KIF18A: variants seen among roughly 807,000 people sequenced by gnomAD.
KIF18A encodes the protein kinesin-like protein KIF18A.
In KIF18A, 67 loss-of-function variants were observed where a neutral mutation model predicts 103.3. The observed-to-expected ratio is 0.65, with a 90% confidence interval of 0.53 to 0.79. KIF18A has a LOEUF of 0.79. KIF18A is among the 30% of genes least tolerant of loss of function. KIF18A has a pLI of 0.00. For synonymous variants in KIF18A, 367 were observed against 355.5 expected, an observed-to-expected ratio of 1.03 and a Z score of -0.36; for missense variants, 1,032 against 1,062.5, an observed-to-expected ratio of 0.97 and a Z score of 0.40.
At chr11:28,065,229 C>T (rs1482624941) in intron 11 of KIF18A, among the ~76,000 whole-genome samples, 2 of 151,928 alleles carry the variant, frequency 1.3e-5, no homozygotes, top group Non-Finnish European at 2.9e-5. Context: ...AGTTGTGTGA[C>T]CTTGGATAAG....
chr11:28,060,678 A>C (rs536966305), intron 12 of KIF18A, among the ~76,000 whole-genome samples: 13 of 151,974 alleles, frequency 8.6e-5, no homozygotes, highest in African/African-American at 2.9e-4. Context: ...GAGGGTTCCC[A>C]GCATTTCCAG....
chr11:28,078,134 C>G (rs1851119537), intron 9 of KIF18A, among the ~76,000 whole-genome samples: 1 of 152,070 alleles, frequency 6.6e-6, no homozygotes, highest in African/African-American at 2.4e-5. Context: ...ATGTTCTAAA[C>G]TGGCCAGAAT....
chr11:28,056,349 T>C (rs1205843735), intron 13 of KIF18A, among the ~76,000 whole-genome samples: 7 of 151,962 alleles, frequency 4.6e-5, no homozygotes, highest in African/African-American at 1.7e-4. Context: ...TTTATGGATT[T>C]AAGGATCATT....
intron 1 of KIF18A, among the ~76,000 whole-genome samples, chr11:28,103,880 T>G (rs1176702546): frequency 6.6e-6 from 1 of 152,036 alleles, no homozygotes; most frequent in African/African-American, 2.4e-5. Context: ...GTTTAGAAAA[T>G]TAAAGAAATG....
At chr11:28,090,028 A>G (rs1459407212) in intron 5 of KIF18A, among the ~76,000 whole-genome samples, 2 of 152,214 alleles carry the variant, frequency 1.3e-5, no homozygotes, top group Non-Finnish European at 2.9e-5. Flanking sequence ...TCTTTCAACT[A>G]TAACAATTTC....
Position 28,035,459 on chromosome 11 carries a change from A to G in KIF18A, c.2432T>C (p.Met811Thr). The G allele has an allele frequency of 1.2e-6, 2 of 1,601,714 alleles. No homozygotes were observed. Among genetic ancestry groups the G allele is most frequent in the Non-Finnish European group, 1.7e-6 (2 of 1,173,104 alleles). ...DPSSFSTKHS[M>T]PVPSMVPSYM... The stretch of plus-strand genomic sequence containing the variant: ...GGATGGCACCATGCTTGGTACAGGC[A>G]TAGAATGCTTAGTTGAGAATGAAGA... Residue 811 changes from methionine (M) to threonine (T), a missense_variant, in exon 15 of 17, where the codon ATG becomes ACG. By Grantham distance (81) the Met-to-Thr change is moderately conservative. Coordinates refer to ENST00000263181, the MANE Select transcript of KIF18A (RefSeq NM_031217.4).
intron 13 of KIF18A, among the ~76,000 whole-genome samples, chr11:28,042,501 C>G (rs1850573461): frequency 6.6e-6 from 1 of 151,858 alleles, no homozygotes; most frequent in East Asian, 1.9e-4. Flanking sequence ...TAAAAAGGAG[C>G]CAATGCATTT....
rs1850825701 is a variant in KIF18A, at chr11:28,059,142, G to GA, written c.1731dup (p.Pro578SerfsTer21). On this transcript the variant is annotated frameshift_variant, in exon 13 of 17. Transcript: ENST00000263181. LOFTEE classifies it high-confidence loss of function. ...GTGCAATATTGTTTTCTTAGGGTTG[G>GA]AAGTAAAGCATTCAATACTCTATAT... The GA allele has an allele frequency of 6.2e-7, 1 of 1,612,876 alleles. No homozygotes were observed. Among genetic ancestry groups the GA allele is most frequent in the Non-Finnish European group, 8.5e-7 (1 of 1,179,056 alleles).
intron 16 of KIF18A, among the ~76,000 whole-genome samples, chr11:28,023,121 G>T (rs1401287405): frequency 6.6e-6 from 1 of 152,116 alleles, no homozygotes; most frequent in African/African-American, 2.4e-5. Context: ...AGATGTTGGG[G>T]CCTGAAAACT....
rs1401967572 is a variant in KIF18A, at chr11:28,069,396, C to T, written c.1453G>A (p.Ala485Thr). The change falls in exon 11 of 17, where the codon GCA becomes ACA. Residue 485 changes from alanine (A) to threonine (T), a missense_variant. Coordinates refer to ENST00000263181, the MANE Select transcript of KIF18A (RefSeq NM_031217.4). ...KATGKRDHRL[A>T]MLKTRRSYLE... ...TAGGAGCGACGAGTTTTCAACATTG[C>T]AAGTCTATGATCTCGTTTTCCAGTG... 1 of 1,613,472 alleles carries T rather than the reference C, an allele frequency of 6.2e-7. No individual in the cohort carries two copies. Among genetic ancestry groups the T allele is most frequent in the South Asian group, 1.1e-5 (1 of 91,022 alleles).
intron 6 of KIF18A, among the ~76,000 whole-genome samples, 165 bp downstream of exon 6, chr11:28,088,358 TA>T (rs1411408801): frequency 6.6e-6 from 1 of 152,168 alleles, no homozygotes; most frequent in Non-Finnish European, 1.5e-5. Context: ...AAAATCAGTT[TA>T]ATACACTAGG....
intron 1 of KIF18A, among the ~76,000 whole-genome samples, chr11:28,103,432 C>T (rs1360052452): frequency 6.6e-6 from 1 of 151,348 alleles, no homozygotes; most frequent in Non-Finnish European, 1.5e-5. Context: ...AGTAGGGTAT[C>T]AAAAAAGAAG....
intron 4 of KIF18A, 40 bp from the exon 5 acceptor site, chr11:28,090,767 A>G: frequency 1.1e-6 from 1 of 909,816 alleles, no homozygotes; most frequent in Non-Finnish European, 1.8e-6. Context: ...AAAAATCAGC[A>G]ATATATCTTT....
chr11:28,075,628 T>A (rs1851079587), intron 10 of KIF18A, among the ~76,000 whole-genome samples: 1 of 152,178 alleles, frequency 6.6e-6, no homozygotes, highest in African/African-American at 2.4e-5. Flanking sequence ...ATTAGATTGC[T>A]CTAGTATCTA....
intron 13 of KIF18A, among the ~76,000 whole-genome samples, chr11:28,045,458 C>A (rs1398733425): frequency 6.6e-6 from 1 of 150,848 alleles, no homozygotes; most frequent in Non-Finnish European, 1.5e-5. Flanking sequence ...TAAGAAATGT[C>A]AGTATATTCT....
chr11:28,066,732 A>C (rs1850932633), intron 11 of KIF18A, among the ~76,000 whole-genome samples: 1 of 150,796 alleles, frequency 6.6e-6, no homozygotes, highest in African/African-American at 2.4e-5. Flanking sequence ...ACAGATTCTC[A>C]AAGGCATCTA....
At chr11:28,095,008 C>T (rs573854128) in intron 2 of KIF18A, among the ~76,000 whole-genome samples, 2 of 152,258 alleles carry the variant, frequency 1.3e-5, no homozygotes, top group East Asian at 1.9e-4. Context: ...AATGGTATCA[C>T]TACCCCCGGC....
chr11:28,106,280 T>C (rs917068813), intron 1 of KIF18A, among the ~76,000 whole-genome samples: 1 of 152,122 alleles, frequency 6.6e-6, no homozygotes, highest in Admixed American at 6.5e-5. Context: ...TTCCAAACAA[T>C]GATACAGAAG....
intron 13 of KIF18A, among the ~76,000 whole-genome samples, chr11:28,058,662 C>CAAAAAAAAAAAAAAAAAAAAAAAAAAAA (rs58273868): frequency 1.6e-5 from 1 of 64,450 alleles, no homozygotes; most frequent in African/African-American, 5.5e-5. Context: ...ACCCTGTCAC[C>CAAAAAAAAAAAAAAAAAAAAAAAAAAAA]AAAAAAAAAA....
Sources: allele counts gnomAD v4.1 joint callset (sites outside exome capture counted in the v4.1 genomes callset), GRCh38; gene constraint gnomAD v4.1.1; transcripts MANE v1.5; gene names NCBI Gene and HGNC (gene_info 2026-07-23, HGNC 2026-07-21).